NSUN2: variants seen among roughly 807,000 people sequenced by gnomAD.
NSUN2 encodes RNA cytosine C(5)-methyltransferase NSUN2.
In NSUN2, 63 loss-of-function variants were observed where a neutral mutation model predicts 92.7. The observed-to-expected ratio is 0.68, with a 90% CI of 0.56 to 0.84. The LOEUF (loss-of-function observed/expected upper bound fraction) is 0.84, where lower values mean the gene tolerates loss of function less well. Among genes scored for constraint, NSUN2 ranks in the 40% least tolerant of loss-of-function variants. The pLI is 0.00. For missense variants in NSUN2, 989 were observed against 964.9 expected (o/e 1.02, Z -0.33); for synonymous variants, 356 against 348.3 (o/e 1.02, Z -0.25).
At chr5:6,624,630 G>T (rs371799026) in intron 4 of NSUN2, among the ~76,000 whole-genome samples, 1 of 152,280 alleles carries the variant, frequency 6.6e-6, no homozygotes, top group East Asian at 1.9e-4. Context: ...TTCGTGCACT[G>T]GTCTCAAGTA....
At position 6,611,095 on chromosome 5, in the gene NSUN2, C is replaced by T. The variant is rs1579362248; in HGVS notation, c.1096-10G>A. 3 of 1,614,012 alleles carry T rather than the reference C, an allele frequency of 1.9e-6. No homozygotes were observed. In the East Asian group the frequency reaches 6.7e-5, roughly 36 times the overall value. On this transcript the variant is annotated splice_polypyrimidine_tract_variant and intron_variant, in intron 10 of 18. Coordinates refer to ENST00000264670, the MANE Select transcript of NSUN2 (RefSeq NM_017755.6). ...CATCTTTCGTCATTACCTGCAGAAC[C>T]ACAGGGTACATTCCAGATTACTAGC...
At position 6,599,559 on chromosome 5, in the gene NSUN2, A is replaced by G. The variant is rs1736456947; in HGVS notation, c.*367T>C. 1.1e-5 allele frequency: 2 copies of G among 174,916 alleles called. No individual in the cohort carries two copies. Among genetic ancestry groups the G allele is most frequent in the South Asian group, 3.5e-4 (2 of 5,746 alleles). The allele number at this position is 174,916 out of a possible 1,614,324, so 10.8% of individuals were successfully genotyped here. On this transcript the variant is annotated 3_prime_UTR_variant, in exon 19 of 19. Coordinates refer to ENST00000264670, the MANE Select transcript of NSUN2 (RefSeq NM_017755.6). ...TTCTATAAATAATAATTTAAAAAAT[A>G]CTGCACCTTAAGACCAATACAGGCT...
chr5:6,624,264 G>C (rs749236661), intron 4 of NSUN2, among the ~76,000 whole-genome samples: 3 of 152,170 alleles, frequency 2.0e-5, no homozygotes, highest in Non-Finnish European at 2.9e-5. Context: ...AAAGCATTAA[G>C]TAAGATGGGG....
At chr5:6,618,502 T>C (rs1415190612) in intron 7 of NSUN2, among the ~76,000 whole-genome samples, 1 of 152,240 alleles carries the variant, frequency 6.6e-6, no homozygotes, top group Non-Finnish European at 1.5e-5. Flanking sequence ...TCTACTTTTA[T>C]TTAATGGAAG....
At chr5:6,629,884 GATC>G (rs1737804934) in intron 3 of NSUN2, among the ~76,000 whole-genome samples, 1 of 152,176 alleles carries the variant, frequency 6.6e-6, no homozygotes, top group Non-Finnish European at 1.5e-5. Context: ...TGTGCAGAGA[GATC>G]TTCCGCCATG....
At chr5:6,607,026 A>T in intron 13 of NSUN2, 114 bp from the exon 14 acceptor site, 1 of 955,726 alleles carries the variant, frequency 1.0e-6, no homozygotes, top group Non-Finnish European at 1.6e-6. Context: ...GGTTTGCGGC[A>T]GATGTTGAAA....
At chr5:6,612,570 C>T (rs1416785076) in intron 9 of NSUN2, among the ~76,000 whole-genome samples, 1 of 152,168 alleles carries the variant, frequency 6.6e-6, no homozygotes, top group Admixed American at 6.5e-5. Context: ...GTGACAGCCT[C>T]TCAGCAGAGG....
intron 9 of NSUN2, among the ~76,000 whole-genome samples, chr5:6,616,495 G>A (rs1198858587): frequency 6.6e-6 from 1 of 152,146 alleles, no homozygotes; most frequent in Non-Finnish European, 1.5e-5. Context: ...TGAGGGGCAG[G>A]GAAGAGAGAG....
chr5:6,620,407 C>CTT (rs1737389368), intron 6 of NSUN2, 109 bp from the exon 7 acceptor site: 7 of 812,924 alleles, frequency 8.6e-6, no homozygotes, highest in Non-Finnish European at 1.1e-5. Flanking sequence ...ATCCACCAAA[C>CTT]TTAAGACCCA....
intron 9 of NSUN2, among the ~76,000 whole-genome samples, 186 bp from the exon 10 acceptor site, chr5:6,611,984 C>T (rs1737012272): frequency 6.6e-6 from 1 of 152,144 alleles, no homozygotes; most frequent in Admixed American, 6.5e-5. Flanking sequence ...GCCGATGGGG[C>T]TCAGCTGGAA....
At chr5:6,600,285 C>T (rs952197750) in intron 18 of NSUN2, 53 bp from the exon 19 acceptor site, 17 of 1,514,672 alleles carry the variant, frequency 1.1e-5, no homozygotes, top group Admixed American at 9.4e-5. Flanking sequence ...ATAACTAAAT[C>T]GAATGAGATG....
chr5:6,613,332 C>A (rs970611191), intron 9 of NSUN2, among the ~76,000 whole-genome samples: 1 of 152,200 alleles, frequency 6.6e-6, no homozygotes, highest in African/African-American at 2.4e-5. Context: ...AATGCAGTTA[C>A]TTGAAGGAAA....
chr5:6,621,770 A>C, intron 6 of NSUN2: 1 of 396,078 alleles, frequency 2.5e-6, no homozygotes, highest in Non-Finnish European at 4.5e-6. Context: ...AAGAAATGCC[A>C]TTCGTTTTTA....
At chr5:6,622,167 CA>C (rs1303261816) in intron 5 of NSUN2, 67 bp from the exon 6 acceptor site, 3 of 1,284,138 alleles carry the variant, frequency 2.3e-6, no homozygotes, top group Non-Finnish European at 3.4e-6. Context: ...TAATTTAAAG[CA>C]ATTCTAGTTT....
Position 6,600,090 on chromosome 5 carries a change from C to T in NSUN2, c.2140G>A (p.Gly714Arg), listed in dbSNP as rs548864059. Residue 714 changes from glycine (G) to arginine (R), a missense_variant, in exon 19 of 19, where the codon GGG (glycine) becomes AGG (arginine). Gly to Arg is a moderately radical substitution (Grantham distance 125). This residue lies in a region of NSUN2 where 626 missense variants were observed against 602.3 expected (regional missense o/e 1.04). Coordinates refer to ENST00000264670, the MANE Select transcript of NSUN2 (RefSeq NM_017755.6). ...GCACTCTCATTTGTGAGGATAACCC[C>T]TTCCTTCTTCTTTTCTCCCAATACC... ...LEVLGEKKKEGVILTNESAAS... is the reference protein window; with the variant it reads ...LEVLGEKKKERVILTNESAAS... 12 of 1,614,226 alleles carry T rather than the reference C, an allele frequency of 7.4e-6. No homozygotes were observed. In the East Asian group the frequency reaches 2.7e-4, roughly 36 times the overall value.
intron 5 of NSUN2, 79 bp downstream of exon 5, chr5:6,623,135 A>G: frequency 8.1e-7 from 1 of 1,230,986 alleles, no homozygotes; most frequent in Non-Finnish European, 1.1e-6. Flanking sequence ...TATTAAGAAA[A>G]AATGGTTTCA....
chr5:6,630,494 T>G (rs868110543), intron 3 of NSUN2, among the ~76,000 whole-genome samples: 1 of 152,122 alleles, frequency 6.6e-6, no homozygotes, highest in Non-Finnish European at 1.5e-5. Context: ...TTAGTAGAGA[T>G]AGGGTTTCAC....
Position 6,606,801 on chromosome 5 carries a change from A to T in NSUN2, c.1601+19T>A. Reference sequence around the variant, plus strand: ...AGTAAATTTCTTTAAATGAATAATTAAAAAGGCTGAATCCTTACTCAATAG... The same window carrying T: ...AGTAAATTTCTTTAAATGAATAATTTAAAAGGCTGAATCCTTACTCAATAG... On this transcript the variant is annotated intron_variant, in intron 14 of 18. Coordinates refer to ENST00000264670, the MANE Select transcript of NSUN2 (RefSeq NM_017755.6). 1 of 1,378,924 alleles carries T rather than the reference A, an allele frequency of 7.3e-7. No individual in the cohort carries two copies. Among genetic ancestry groups the T allele is most frequent in the Non-Finnish European group, 1.0e-6 (1 of 976,274 alleles). 85.4% of individuals were successfully genotyped at this position (1,378,924 alleles called of 1,614,324 possible).
chr5:6,605,186 C>T (rs1736715078), intron 15 of NSUN2, 87 bp downstream of exon 15: 15 of 1,547,194 alleles, frequency 9.7e-6, no homozygotes, highest in South Asian at 2.5e-5. Context: ...GCAGATGTCA[C>T]GGTCTGCTCC....
Sources: allele counts gnomAD v4.1 joint callset (sites outside exome capture counted in the v4.1 genomes callset), GRCh38; gene constraint gnomAD v4.1.1; regional missense constraint gnomAD v4.1.1; transcripts MANE v1.5; gene names NCBI Gene and HGNC (gene_info 2026-07-23, HGNC 2026-07-21).